Variants in PLEKHM3 observed in about 807,000 individuals in gnomAD.
PLEKHM3 encodes pleckstrin homology domain containing M3.
A neutral mutation model predicts 81.8 loss-of-function variants in PLEKHM3; 45 were observed. The observed-to-expected ratio is 0.55, with a 90% CI of 0.43 to 0.71. PLEKHM3 has a LOEUF of 0.71. PLEKHM3 is among the 30% of genes least tolerant of loss of function. The pLI is 0.00. For missense variants in PLEKHM3, 788 were observed against 924.3 expected, an observed-to-expected ratio of 0.85 and a Z score of 1.91; for synonymous variants, 352 against 356.4, an observed-to-expected ratio of 0.99 and a Z score of 0.14.
intron 5 of PLEKHM3, among the ~76,000 whole-genome samples, chr2:207,920,922 G>A (rs146259520): frequency 3.9e-4 from 59 of 152,260 alleles, no homozygotes; most frequent in South Asian, 2.5e-3. Context: ...AGGAGTGCCC[G>A]TCTCAGCAAT....
Position 208,001,665 on chromosome 2 carries a change from C to T in PLEKHM3, c.-26G>A, listed in dbSNP as rs1420771255. The T allele has an allele frequency of 6.3e-7, 1 of 1,584,888 alleles. No individual in the cohort carries two copies. The highest frequency in any genetic ancestry group is 2.2e-5 in the East Asian group (1 of 44,702). On this transcript the variant is annotated 5_prime_UTR_variant, in exon 2 of 8. Transcript: ENST00000427836. ...GTCACAGGCTCCAGGAGGCCTTAGC[C>T]TCCTAAGCTGGTTCCAGAAATGGCT...
intron 2 of PLEKHM3, among the ~76,000 whole-genome samples, chr2:207,978,842 G>A (rs1460326405): frequency 6.6e-6 from 1 of 152,076 alleles, no homozygotes; most frequent in Non-Finnish European, 1.5e-5. Flanking sequence ...TTCTATCATG[G>A]GCTCTTAGTT....
At chr2:207,830,846 C>A (rs995112513) in intron 7 of PLEKHM3, among the ~76,000 whole-genome samples, 2 of 152,070 alleles carry the variant, frequency 1.3e-5, no homozygotes, top group Non-Finnish European at 2.9e-5. Context: ...CCTGTTGGGA[C>A]CTTGATCTGA....
intron 3 of PLEKHM3, among the ~76,000 whole-genome samples, chr2:207,967,204 A>T (rs1382452461): frequency 6.6e-6 from 1 of 151,998 alleles, no homozygotes; most frequent in Non-Finnish European, 1.5e-5. Flanking sequence ...TATGTTGCTC[A>T]GGCTGGTCTC....
intron 6 of PLEKHM3, among the ~76,000 whole-genome samples, chr2:207,865,801 A>AAAATATATATATATAT: frequency 7.9e-5 from 2 of 25,290 alleles, no homozygotes; most frequent in African/African-American, 4.2e-4. Flanking sequence ...AAAAAAAAAA[A>AAAATATATATATATAT]AGATATATAT....
chr2:207,994,163 C>T (rs916374363), intron 2 of PLEKHM3, among the ~76,000 whole-genome samples: 1 of 152,150 alleles, frequency 6.6e-6, no homozygotes, highest in Non-Finnish European at 1.5e-5. Context: ...GATAACCTTT[C>T]GGGTCCTAGT....
intron 2 of PLEKHM3, 51 bp from the exon 3 acceptor site, chr2:207,977,637 G>C: frequency 6.7e-7 from 1 of 1,482,968 alleles, no homozygotes; most frequent in South Asian, 1.3e-5. Context: ...TTATAAGAAG[G>C]CAGGCACAAG....
intron 5 of PLEKHM3, among the ~76,000 whole-genome samples, chr2:207,917,385 G>A (rs1040382327): frequency 1.3e-5 from 2 of 152,188 alleles, no homozygotes; most frequent in African/African-American, 4.8e-5. Flanking sequence ...TCTTTAATGA[G>A]ACTAATTTAG....
intron 5 of PLEKHM3, chr2:207,930,006 A>G: frequency 1.5e-6 from 1 of 662,426 alleles, no homozygotes; most frequent in South Asian, 1.7e-5. Flanking sequence ...AATTATTTCA[A>G]GTATAAGCTA....
At chr2:207,836,318 TA>T (rs34489704) in intron 7 of PLEKHM3, among the ~76,000 whole-genome samples, 89,012 of 131,466 alleles carry the variant, frequency 0.68, 29,123 homozygotes, top group African/African-American at 0.74. Context: ...AGAGAGAGTC[TA>T]AAAAAAAAAA....
At position 207,993,698 on chromosome 2, in the gene PLEKHM3, G is replaced by A. The variant is rs997580357; in HGVS notation, c.610+7332C>T. Among the ~76,000 whole-genome samples, 8 of 151,966 alleles carry A rather than the reference G, an allele frequency of 5.3e-5. No individual in the cohort carries two copies. The South Asian group carries it at 1.7e-3, about 31-fold the overall frequency. On this transcript the variant is annotated intron_variant, in intron 2 of 7. Coordinates refer to ENST00000427836, the MANE Select transcript of PLEKHM3 (RefSeq NM_001080475.3). Reference sequence around the variant, plus strand: ...TACCAGGTCACCAGAGAGTGAAACCGACGGAAACAAAAGCCCAGTTGACCA... The same window carrying A: ...TACCAGGTCACCAGAGAGTGAAACCAACGGAAACAAAAGCCCAGTTGACCA...
intron 7 of PLEKHM3, among the ~76,000 whole-genome samples, chr2:207,840,331 C>T (rs1323474013): frequency 6.6e-6 from 1 of 152,022 alleles, no homozygotes; most frequent in African/African-American, 2.4e-5. Flanking sequence ...GCTAGGACTA[C>T]AAGTGTGTGC....
At chr2:207,880,762 C>CAAAAGAAAAAAAAA (rs2092585461) in intron 6 of PLEKHM3, among the ~76,000 whole-genome samples, 1 of 6,976 alleles carries the variant, frequency 1.4e-4, no homozygotes, top group African/African-American at 2.7e-4. Flanking sequence ...GACTCTGTCT[C>CAAAAGAAAAAAAAA]AAAAAAAAAA....
At chr2:207,866,345 TG>T (rs2105821310) in intron 6 of PLEKHM3, among the ~76,000 whole-genome samples, 1 of 152,104 alleles carries the variant, frequency 6.6e-6, no homozygotes, top group Non-Finnish European at 1.5e-5. Context: ...TTAGTAGAGG[TG>T]GGGTTTCACC....
chr2:207,835,041 A>G (rs7601743), intron 7 of PLEKHM3, among the ~76,000 whole-genome samples: 93,392 of 150,370 alleles, frequency 0.62, 29,117 homozygotes, highest in Middle Eastern at 0.69. Flanking sequence ...TCCGGTTTCG[A>G]GTGATTCTCT....
intron 6 of PLEKHM3, among the ~76,000 whole-genome samples, chr2:207,881,863 C>G (rs1201579770): frequency 6.6e-6 from 1 of 152,124 alleles, no homozygotes; most frequent in Admixed American, 6.6e-5. Context: ...AGGCACCATC[C>G]TGGGGTCAGT....
At chr2:208,011,737 T>C (rs964437503) in intron 1 of PLEKHM3, among the ~76,000 whole-genome samples, 35 of 148,808 alleles carry the variant, frequency 2.4e-4, no homozygotes, top group African/African-American at 8.5e-4. Context: ...TACCTCCTGT[T>C]CCCCACAAAC....
chr2:207,886,633 G>A (rs760308155), intron 6 of PLEKHM3, among the ~76,000 whole-genome samples: 27 of 152,176 alleles, frequency 1.8e-4, no homozygotes, highest in Non-Finnish European at 3.7e-4. Flanking sequence ...CTGTTGAAAA[G>A]GGAGATCAGC....
At chr2:207,865,242 TCAC>T (rs2092489154) in intron 6 of PLEKHM3, among the ~76,000 whole-genome samples, 1 of 152,188 alleles carries the variant, frequency 6.6e-6, no homozygotes, top group Admixed American at 6.5e-5. Context: ...ATCCCGTCAT[TCAC>T]CACATTTCAT....
Sources: gnomAD v4.1 joint callset for allele counts (sites outside exome capture counted in the v4.1 genomes callset) on GRCh38, gnomAD v4.1.1 for gene constraint, MANE v1.5 for transcripts, NCBI Gene and HGNC (gene_info 2026-07-23, HGNC 2026-07-21) for gene names.